TMEM151B: variants seen among roughly 807,000 people sequenced by gnomAD.
The protein encoded by TMEM151B is transmembrane protein 193.
A neutral mutation model predicts 33.0 loss-of-function variants in TMEM151B; 18 were observed. The ratio of observed to expected loss-of-function variants is 0.55; its 90% confidence interval spans 0.38 to 0.81. TMEM151B has a LOEUF of 0.81. TMEM151B is among the 30% of genes least tolerant of loss of function. The probability of loss-of-function intolerance (pLI) is 0.00; values close to 1 mark genes in which losing one functional copy is unlikely to be tolerated. For missense variants in TMEM151B, 672 were observed against 843.4 expected (o/e 0.80, Z 2.52); for synonymous variants, 354 against 373.6 (o/e 0.95, Z 0.61).
In TMEM151B at chr6:44,270,565, A is replaced by ACCCTCAG. The variant is rs1782283006; in HGVS notation, c.-174_-168dup. 1 of 19,554 alleles carries ACCCTCAG rather than the reference A, an allele frequency of 5.1e-5. No individual in the cohort carries two copies. 1.2% of individuals were successfully genotyped at this position (19,554 alleles called of 1,614,324 possible). On this transcript the variant is annotated 5_prime_UTR_variant, in exon 1 of 3. Coordinates refer to ENST00000451188, the MANE Select transcript of TMEM151B (RefSeq NM_001137560.2). ...GGCCCGGCCCCCCAGCCTGCCTCCC[A>ACCCTCAG]CCCTCAGCCCCCAGCCCCTTACTCC...
At position 44,277,556 on chromosome 6, in the gene TMEM151B, T is replaced by C. The variant is rs186798147; in HGVS notation, c.*1029T>C. 129 of 152,288 alleles carry C rather than the reference T, an allele frequency of 8.5e-4. No individual in the cohort carries two copies. Among genetic ancestry groups the C allele is most frequent in the African/African-American group, 3.1e-3 (129 of 41,526 alleles). 9.4% of individuals were successfully genotyped at this position (152,288 alleles called of 1,614,324 possible). On this transcript the variant is annotated 3_prime_UTR_variant, in exon 3 of 3. Transcript: ENST00000451188. The stretch of plus-strand genomic sequence containing the variant: ...GAAAAGGACCTCCAGAGGTGGGGTG[T>C]CTGTGGGGGCGGCCTTTGCCTCCCT...
chr6:44,276,083 C>T lies in TMEM151B; in HGVS notation c.1257C>T (p.Gly419=). ...CCTCGTGCCGCTACGGTGGGGTAGG[C>T]GGCCCGGGCGCGGCGGGCGTGGCTC... ...YAPSCRYGGV[G]GPGAAGVAPY... Residue 419 remains glycine, a synonymous_variant, in exon 3 of 3, where the codon GGC becomes GGT. Transcript: ENST00000451188. 2 of 1,322,372 alleles carry T rather than the reference C, an allele frequency of 1.5e-6. No individual in the cohort carries two copies. The highest frequency in any genetic ancestry group is 2.3e-5 in the South Asian group (1 of 44,298). 81.9% of individuals were successfully genotyped at this position (1,322,372 alleles called of 1,614,324 possible).
At position 44,277,167 on chromosome 6, in the gene TMEM151B, T is replaced by C. The variant is rs894289709; in HGVS notation, c.*640T>C. On this transcript the variant is annotated 3_prime_UTR_variant, in exon 3 of 3. Transcript: ENST00000451188. Reference sequence around the variant, plus strand: ...TCCTTTCTGCCGCTCCCTCCACTGTTGTTTATCTAACTGGGCCCCCACTCC... The same window carrying C: ...TCCTTTCTGCCGCTCCCTCCACTGTCGTTTATCTAACTGGGCCCCCACTCC... The C allele has an allele frequency of 2.0e-5, 3 of 152,450 alleles. No individual in the cohort carries two copies. The highest frequency in any genetic ancestry group is 2.0e-4 in the Admixed American group (3 of 15,294). The allele number at this position is 152,450 out of a possible 1,614,324, so 9.4% of individuals were successfully genotyped here.
In TMEM151B at chr6:44,275,619, G is replaced by C; in HGVS notation, c.793G>C (p.Asp265His). 14 of 1,551,260 alleles carry C rather than the reference G, an allele frequency of 9.0e-6. No homozygotes were observed. The highest frequency in any genetic ancestry group is 1.1e-5 in the Non-Finnish European group (13 of 1,146,732). ...CTTCGCAGAGAACGAGGGCCTAGAC[G>C]ACTACATGGAGGCACGCGAGGGCAT... ...RFFAENEGLD[D>H]YMEAREGMHL... Residue 265 changes from aspartate (D) to histidine (H), a missense_variant, in exon 3 of 3, where the codon GAC (aspartate) becomes CAC (histidine). This residue lies in a region of TMEM151B where 285 missense variants were observed against 423.1 expected (regional missense o/e 0.67). Transcript: ENST00000451188.
chr6:44,270,646 C>A lies in TMEM151B; in HGVS notation c.-97C>A, dbSNP rs1782287354. 8.6e-6 allele frequency: 2 copies of A among 231,568 alleles called. No homozygotes were observed. The highest frequency in any genetic ancestry group is 1.9e-4 in the East Asian group (2 of 10,682). The allele number at this position is 231,568 out of a possible 1,614,324, so 14.3% of individuals were successfully genotyped here. A position where few individuals can be genotyped will look rare whatever the true frequency, so the allele number is the denominator to read the frequency against. ...GGGGGGTGGGGAGCAGCGAGGGCCCCGCCCCCTCCCGTCCTCTCCCCAGGG... is the reference window on the plus strand; with the variant it reads ...GGGGGGTGGGGAGCAGCGAGGGCCCAGCCCCCTCCCGTCCTCTCCCCAGGG... On this transcript the variant is annotated 5_prime_UTR_variant, in exon 1 of 3. Coordinates refer to ENST00000451188, the MANE Select transcript of TMEM151B (RefSeq NM_001137560.2).
Position 44,272,475 on chromosome 6 carries a change from G to C in TMEM151B, c.136-591G>C, listed in dbSNP as rs111382849. Among the ~76,000 whole-genome samples the C allele has an allele frequency of 1.2e-3, 184 of 152,266 alleles. 1 individual carries two copies. Among genetic ancestry groups the C allele is most frequent in the African/African-American group, 3.9e-3 (161 of 41,526 alleles). ...AAAGGACGTGTTAGGCTAATTGTGA[G>C]GGTTAGGGAGGTGGATGGGTCAGAG... On this transcript the variant is annotated intron_variant, in intron 1 of 2. Coordinates refer to ENST00000451188, the MANE Select transcript of TMEM151B (RefSeq NM_001137560.2).
At chr6:44,275,131 A>AAAAAAG (rs1554142989) in intron 2 of TMEM151B, among the ~76,000 whole-genome samples, 6 of 142,314 alleles carry the variant, frequency 4.2e-5, no homozygotes, top group East Asian at 2.2e-4. Flanking sequence ...AAAAAAAAAA[A>AAAAAAG]AAAAAGAAAA....
Position 44,277,546 on chromosome 6 carries a change from AG to A in TMEM151B, c.*1021del, listed in dbSNP as rs1437567130. 1.3e-5 allele frequency: 2 copies of A among 152,312 alleles called. No homozygotes were observed. The highest frequency in any genetic ancestry group is 1.5e-5 in the Non-Finnish European group (1 of 68,152). The allele number at this position is 152,312 out of a possible 1,614,324, so 9.4% of individuals were successfully genotyped here. On this transcript the variant is annotated 3_prime_UTR_variant, in exon 3 of 3. Transcript: ENST00000451188. ...GAGGGTAGAGGAAAAGGACCTCCAG[AG>A]GTGGGGTGTCTGTGGGGGCGGCCTT...
At chr6:44,272,428 G>A (rs1363763107) in intron 1 of TMEM151B, among the ~76,000 whole-genome samples, 1 of 152,160 alleles carries the variant, frequency 6.6e-6, no homozygotes, top group Non-Finnish European at 1.5e-5. Context: ...CTGGGCCTGG[G>A]GTTCTCTGGA....
chr6:44,277,624 A>C lies in TMEM151B; in HGVS notation c.*1097A>C, dbSNP rs145257112. On this transcript the variant is annotated 3_prime_UTR_variant, in exon 3 of 3. Transcript: ENST00000451188. ...TGGAGTGTGCTTGTCGCTCAAACAC[A>C]TCTCTGGGGGACTGAGGACGTTGTC... 3.7e-4 allele frequency: 56 copies of C among 152,314 alleles called. No individual in the cohort carries two copies. Among genetic ancestry groups the C allele is most frequent in the Admixed American group, 1.1e-3 (17 of 15,294 alleles). 9.4% of individuals were successfully genotyped at this position (152,314 alleles called of 1,614,324 possible).
intron 1 of TMEM151B, among the ~76,000 whole-genome samples, chr6:44,271,688 C>T (rs960147088): frequency 6.6e-6 from 1 of 152,290 alleles, no homozygotes; most frequent in South Asian, 2.1e-4. Flanking sequence ...CCGAAAGGCA[C>T]ATGTACCCTA....
At chr6:44,275,245 A>G (rs1033925782) in intron 2 of TMEM151B, among the ~76,000 whole-genome samples, 158 bp from the exon 3 acceptor site, 2 of 152,332 alleles carry the variant, frequency 1.3e-5, no homozygotes, top group East Asian at 1.9e-4. Flanking sequence ...AGTCAGACGG[A>G]AAGATCCTAA....
intron 1 of TMEM151B, among the ~76,000 whole-genome samples, chr6:44,272,078 A>G (rs1338106619): frequency 6.6e-6 from 1 of 152,118 alleles, no homozygotes; most frequent in South Asian, 2.1e-4. Context: ...AGGAGTACCC[A>G]GTGTAGTGGG....
In TMEM151B at chr6:44,270,539, CG is replaced by C. The variant is rs1476216902; in HGVS notation, c.-202del. 6.5e-6 allele frequency: 1 copy of C among 152,704 alleles called. No individual in the cohort carries two copies. The highest frequency in any genetic ancestry group is 1.4e-5 in the Non-Finnish European group (1 of 70,294). The allele number at this position is 152,704 out of a possible 1,614,324, so 9.5% of individuals were successfully genotyped here. A position where few individuals can be genotyped will look rare whatever the true frequency, so the allele number is the denominator to read the frequency against. ...ACCCGCCCCCGGCCCCGGCCCCCCC[CG>C]GCCCGGCCCCCCAGCCTGCCTCCCA... On this transcript the variant is annotated 5_prime_UTR_variant, in exon 1 of 3. Transcript: ENST00000451188.
In TMEM151B at chr6:44,276,396, G is replaced by A; in HGVS notation, c.1570G>A (p.Ala524Thr). Residue 524 changes from alanine to threonine, a missense_variant, in exon 3 of 3, where the codon GCC becomes ACC. Ala to Thr is a moderately conservative substitution (Grantham distance 58). This residue lies in a region of TMEM151B where 324 missense variants were observed against 363.1 expected (regional missense o/e 0.89). Transcript: ENST00000451188. ...GDDEDDDEEEAGPPPPYHDAL... is the reference protein window; with the variant it reads ...GDDEDDDEEETGPPPPYHDAL... The stretch of plus-strand genomic sequence containing the variant: ...CGACGAGGACGACGACGAGGAGGAG[G>A]CCGGGCCGCCGCCGCCCTACCACGA... 6.6e-7 allele frequency: 1 copy of A among 1,515,406 alleles called. No individual in the cohort carries two copies. The highest frequency in any genetic ancestry group is 1.2e-5 in the South Asian group (1 of 81,688). 93.9% of individuals were successfully genotyped at this position (1,515,406 alleles called of 1,614,324 possible).
In TMEM151B at chr6:44,270,832, G is replaced by A. The variant is rs1782298636; in HGVS notation, c.90G>A (p.Ala30=). 1 of 1,133,862 alleles carries A rather than the reference G, an allele frequency of 8.8e-7. No homozygotes were observed. Among genetic ancestry groups the A allele is most frequent in the Non-Finnish European group, 1.1e-6 (1 of 927,272 alleles). 70.2% of individuals were successfully genotyped at this position (1,133,862 alleles called of 1,614,324 possible). Residue 30 remains alanine, a synonymous_variant, in exon 1 of 3, where the codon GCG becomes GCA. Transcript: ENST00000451188. ...CCGGGGTCTCGGAGGAGCTCACGGC[G>A]GCGGCGGCAGCGGCGGCGGCGGACG... The part of the protein sequence containing the change: ...GGPGVSEELT[A]AAAAAAADEG...
intron 1 of TMEM151B, among the ~76,000 whole-genome samples, chr6:44,271,510 A>G (rs1782355820): frequency 6.6e-6 from 1 of 152,126 alleles, no homozygotes; most frequent in East Asian, 1.9e-4. Context: ...CCAGCCTCCC[A>G]TGCACACTTG....
At chr6:44,274,830 A>C (rs988270061) in intron 2 of TMEM151B, among the ~76,000 whole-genome samples, 2 of 152,170 alleles carry the variant, frequency 1.3e-5, no homozygotes, top group Non-Finnish European at 2.9e-5. Context: ...TTAAAATTTA[A>C]ATGCGCGGCC....
intron 1 of TMEM151B, among the ~76,000 whole-genome samples, chr6:44,272,807 GTCTC>G (rs1391753996): frequency 2.6e-5 from 4 of 152,058 alleles, no homozygotes; most frequent in African/African-American, 9.7e-5. Context: ...CTCTTGGGGT[GTCTC>G]TCTCTGCACT....
Sources: allele counts gnomAD v4.1 joint callset (sites outside exome capture counted in the v4.1 genomes callset), GRCh38; gene constraint gnomAD v4.1.1; regional missense constraint gnomAD v4.1.1; transcripts MANE v1.5; gene names NCBI Gene and HGNC (gene_info 2026-07-23, HGNC 2026-07-21).